TYW1B: variants seen among roughly 807,000 people sequenced by gnomAD.
TYW1B encodes S-adenosyl-L-methionine-dependent tRNA 4-demethylwyosine synthase TYW1B.
TYW1B carries 73 observed loss-of-function variants against 86.9 expected under a neutral mutation model. That is an observed-to-expected ratio of 0.84 (90% CI 0.70 to 1.02). The LOEUF is 1.02. Among genes scored for constraint, TYW1B ranks in the 50% least tolerant of loss-of-function variants. TYW1B has a pLI of 0.00. For synonymous variants in TYW1B, 248 were observed against 292.8 expected, an observed-to-expected ratio of 0.85 and a Z score of 1.56; for missense variants, 637 against 827.4, an observed-to-expected ratio of 0.77 and a Z score of 2.82.
chr7:72,646,281 C>G lies in TYW1B; in HGVS notation c.1507-17284G>C, dbSNP rs567697574. Among the ~76,000 whole-genome samples, 3 of 152,162 alleles carry G rather than the reference C, an allele frequency of 2.0e-5. No homozygotes were observed. In the South Asian group the frequency reaches 6.2e-4, roughly 32 times the overall value. ...TGTCGCTATATTGCCAGGCTGGTCT[C>G]AAACTCCTGGCCTCAAGTGATCCGC... is the stretch of plus-strand genomic sequence containing the variant. On this transcript the variant is annotated intron_variant, in intron 11 of 13. Transcript: ENST00000620995.
At chr7:72,699,546 T>C (rs1554452091) in intron 10 of TYW1B, among the ~76,000 whole-genome samples, 1 of 152,090 alleles carries the variant, frequency 6.6e-6, no homozygotes, top group East Asian at 1.9e-4. Flanking sequence ...AATTTAAAAA[T>C]CCAAAAAGCT....
intron 11 of TYW1B, among the ~76,000 whole-genome samples, chr7:72,693,038 G>A (rs1218145426): frequency 2.6e-5 from 4 of 152,070 alleles, no homozygotes; most frequent in African/African-American, 4.8e-5. Flanking sequence ...ACCAAATGAC[G>A]CCTGGGATGT....
intron 11 of TYW1B, among the ~76,000 whole-genome samples, chr7:72,632,128 C>T (rs1446317603): frequency 4.6e-5 from 7 of 150,548 alleles, no homozygotes; most frequent in African/African-American, 1.7e-4. Context: ...GAGACCCCAT[C>T]ACTACAAAAA....
chr7:72,753,960 G>A (rs1585957287), intron 7 of TYW1B, among the ~76,000 whole-genome samples: 3 of 151,926 alleles, frequency 2.0e-5, no homozygotes, highest in South Asian at 2.1e-4. Context: ...TATTTGCTTC[G>A]TTGCAGTGGT....
At chr7:72,594,493 C>T (rs78440252) in intron 13 of TYW1B, among the ~76,000 whole-genome samples, 13,883 of 152,182 alleles carry the variant, frequency 0.091, 789 homozygotes, top group African/African-American at 0.15. Context: ...ATAACTATTA[C>T]GGAGATTAAA....
intron 7 of TYW1B, among the ~76,000 whole-genome samples, chr7:72,760,331 T>G (rs2129571685): frequency 6.6e-6 from 1 of 152,338 alleles, no homozygotes; most frequent in South Asian, 2.1e-4. Context: ...TACCCAAAAT[T>G]TTGGCCCATG....
At chr7:72,756,998 C>T (rs12698439) in intron 7 of TYW1B, among the ~76,000 whole-genome samples, 8,557 of 152,056 alleles carry the variant, frequency 0.056, 556 homozygotes, top group East Asian at 0.33. Context: ...GCTGACAAGG[C>T]GGAGGAGAAA....
intron 9 of TYW1B, among the ~76,000 whole-genome samples, chr7:72,717,644 G>C (rs1172340152): frequency 6.8e-6 from 1 of 146,108 alleles, no homozygotes; most frequent in Non-Finnish European, 1.5e-5. Context: ...AGCTGTGCTT[G>C]ACACACACAC....
intron 13 of TYW1B, among the ~76,000 whole-genome samples, chr7:72,604,978 C>A (rs1811759495): frequency 6.6e-6 from 1 of 152,194 alleles, no homozygotes; most frequent in African/African-American, 2.4e-5. Flanking sequence ...GTCATACTTA[C>A]TATCCTAGCC....
chr7:72,667,309 G>A (rs1813488955), intron 11 of TYW1B, among the ~76,000 whole-genome samples: 2 of 152,044 alleles, frequency 1.3e-5, no homozygotes, highest in South Asian at 4.1e-4. Flanking sequence ...ACATGTTTTT[G>A]TTTAAAATGC....
At chr7:72,626,035 C>T (rs564925262) in intron 12 of TYW1B, among the ~76,000 whole-genome samples, 13 of 152,052 alleles carry the variant, frequency 8.5e-5, no homozygotes, top group African/African-American at 2.7e-4. Flanking sequence ...CACCACTAAT[C>T]TCTGATGTTG....
intron 7 of TYW1B, among the ~76,000 whole-genome samples, chr7:72,759,413 T>C (rs1392930255): frequency 1.3e-5 from 2 of 152,068 alleles, no homozygotes. Context: ...TTACAGAATT[T>C]TCTTTGCTCT....
chr7:72,819,075 G>T (rs530969131), intron 2 of TYW1B, among the ~76,000 whole-genome samples: 3 of 152,144 alleles, frequency 2.0e-5, no homozygotes, highest in Non-Finnish European at 4.4e-5. Context: ...AAAGCTGAAG[G>T]AACTGGGAAA....
At chr7:72,694,932 G>A in intron 10 of TYW1B, 110 bp from the exon 11 acceptor site, 1 of 1,176,732 alleles carries the variant, frequency 8.5e-7, no homozygotes. Context: ...ACAGGGTCTA[G>A]AGACTTCCAC....
At chr7:72,808,709 T>G (rs1310203378) in intron 4 of TYW1B, among the ~76,000 whole-genome samples, 1 of 151,944 alleles carries the variant, frequency 6.6e-6, no homozygotes, top group Non-Finnish European at 1.5e-5. Flanking sequence ...GTATTTTTAG[T>G]ACAGACAGGG....
At chr7:72,757,075 A>G (rs191165104) in intron 7 of TYW1B, among the ~76,000 whole-genome samples, 7 of 152,164 alleles carry the variant, frequency 4.6e-5, no homozygotes, top group East Asian at 1.9e-4. Flanking sequence ...ATATGTACAT[A>G]TAACAATGTC....
Position 72,574,874 on chromosome 7 carries a change from G to A in TYW1B, c.*624C>T. On this transcript the variant is annotated 3_prime_UTR_variant, in exon 14 of 14. Coordinates refer to ENST00000620995, the MANE Select transcript of TYW1B (RefSeq NM_001145440.3). ...ACTGCGGTCTGTGGTAATTTACATG[G>A]GAATGGGATGAGATCTAGTAGTTTT... 1.0e-6 allele frequency: 1 copy of A among 985,712 alleles called. No homozygotes were observed. The highest frequency in any genetic ancestry group is 1.2e-6 in the Non-Finnish European group (1 of 830,178). 61.1% of individuals were successfully genotyped at this position (985,712 alleles called of 1,614,324 possible). A position where few individuals can be genotyped will look rare whatever the true frequency, so the allele number is the denominator to read the frequency against.
chr7:72,694,115 C>T (rs1814247087), intron 11 of TYW1B, among the ~76,000 whole-genome samples: 1 of 152,110 alleles, frequency 6.6e-6, no homozygotes, highest in African/African-American at 2.4e-5. Flanking sequence ...TGCATGCCAT[C>T]ACAACTGGCT....
intron 13 of TYW1B, among the ~76,000 whole-genome samples, chr7:72,592,484 G>T (rs563204920): frequency 6.6e-6 from 1 of 152,184 alleles, no homozygotes; most frequent in Non-Finnish European, 1.5e-5. Context: ...TTCAGAAAAT[G>T]AGACAAAAAA....
Sources: allele counts gnomAD v4.1 joint callset (sites outside exome capture counted in the v4.1 genomes callset), GRCh38; gene constraint gnomAD v4.1.1; transcripts MANE v1.5; gene names NCBI Gene and HGNC (gene_info 2026-07-23, HGNC 2026-07-21).